The following LCOR variants were observed in gnomAD, a reference collection of about 807,000 sequenced individuals.
The protein encoded by LCOR is ligand dependent nuclear receptor corepressor.
A neutral mutation model predicts 64.4 loss-of-function variants in LCOR; 14 were observed. The observed-to-expected ratio is 0.22, with a 90% CI of 0.14 to 0.34. The LOEUF is 0.34. LCOR is among the 10% of genes least tolerant of loss of function. The pLI is 1.00. For missense variants in LCOR, 1,686 were observed against 1,765.3 expected (o/e 0.96, Z 0.80); for synonymous variants, 643 against 642.5 (o/e 1.00, Z -0.01).
intron 4 of LCOR, among the ~76,000 whole-genome samples, chr10:96,929,385 C>G (rs896842686): frequency 2.2e-4 from 34 of 152,342 alleles, no homozygotes; most frequent in Non-Finnish European, 4.4e-4. Context: ...TTTGTTGTTA[C>G]AGAGATGACT....
intron 4 of LCOR, among the ~76,000 whole-genome samples, chr10:96,911,475 G>A (rs569966340): frequency 6.6e-6 from 1 of 152,270 alleles, no homozygotes; most frequent in South Asian, 2.1e-4. Flanking sequence ...AAAGGAAAGG[G>A]TCAGAGATGT....
At chr10:96,851,810 C>T (rs72819823) in intron 2 of LCOR, among the ~76,000 whole-genome samples, 62 of 152,324 alleles carry the variant, frequency 4.1e-4, no homozygotes, top group Middle Eastern at 3.4e-3. Flanking sequence ...GAAAGCCTGA[C>T]GTTGTTGTTG....
chr10:96,995,519 A>G lies in LCOR; in HGVS notation c.*10385A>G, dbSNP rs898438539. On this transcript the variant is annotated 3_prime_UTR_variant, in exon 8 of 8. Transcript: ENST00000421806. The surrounding 1 kb of genome is among the most constrained non-coding windows in gnomAD (Gnocchi z 4.2). ...TATGCTGTGAATTTGTTGGTTTGAA[A>G]CATTGAAATTTTTCATTAGACAATG... 6.6e-6 allele frequency: 1 copy of G among 152,202 alleles called. No homozygotes were observed. Among genetic ancestry groups the G allele is most frequent in the Non-Finnish European group, 1.5e-5 (1 of 68,024 alleles). 9.4% of individuals were successfully genotyped at this position (152,202 alleles called of 1,614,324 possible).
intron 4 of LCOR, among the ~76,000 whole-genome samples, chr10:96,939,123 A>G (rs1398135349): frequency 1.3e-5 from 2 of 152,254 alleles, no homozygotes; most frequent in Non-Finnish European, 2.9e-5. Context: ...CTACAAAACA[A>G]CGTTGGTCAG....
At chr10:96,872,953 T>C (rs1367426181) in intron 2 of LCOR, among the ~76,000 whole-genome samples, 1 of 113,474 alleles carries the variant, frequency 8.8e-6, no homozygotes, top group Admixed American at 8.0e-5. Context: ...TGTAGTATTA[T>C]ATGACAGCAG....
At chr10:96,869,731 C>G (rs534966874) in intron 2 of LCOR, among the ~76,000 whole-genome samples, 7 of 151,932 alleles carry the variant, frequency 4.6e-5, no homozygotes, top group Non-Finnish European at 2.9e-5. Flanking sequence ...CACACCACCA[C>G]GTTCAGCTAT....
chr10:96,951,468 A>G (rs868508344), intron 6 of LCOR, among the ~76,000 whole-genome samples: 8 of 152,246 alleles, frequency 5.3e-5, no homozygotes, highest in Middle Eastern at 6.8e-3. Flanking sequence ...ATTTTTTTAA[A>G]GGATTGAATA....
chr10:96,972,391 CAGA>C (rs1167057042), intron 7 of LCOR, among the ~76,000 whole-genome samples: 1 of 151,996 alleles, frequency 6.6e-6, no homozygotes, highest in East Asian at 1.9e-4. Flanking sequence ...AAAAAAACCA[CAGA>C]AGTAGTTTGT....
At chr10:96,915,127 A>G (rs1472356291) in intron 4 of LCOR, among the ~76,000 whole-genome samples, 1 of 152,228 alleles carries the variant, frequency 6.6e-6, no homozygotes, top group African/African-American at 2.4e-5. Flanking sequence ...TTTCCCCACA[A>G]CAGTCTGGCT....
intron 5 of LCOR, among the ~76,000 whole-genome samples, chr10:96,947,231 G>A (rs1411072390): frequency 6.6e-6 from 1 of 151,910 alleles, no homozygotes; most frequent in Non-Finnish European, 1.5e-5. Flanking sequence ...TTTATAGAGA[G>A]GAAAGTTAGA....
At chr10:96,920,704 ATGTG>A (rs1159492722) in intron 4 of LCOR, among the ~76,000 whole-genome samples, 9 of 134,004 alleles carry the variant, frequency 6.7e-5, no homozygotes, top group Non-Finnish European at 1.1e-4. Flanking sequence ...ATGTTCATAT[ATGTG>A]TGTATATATG....
chr10:96,935,139 C>CTTTTTTTTTTTTTTTTTTTTT (rs34176037), intron 4 of LCOR, among the ~76,000 whole-genome samples: 1 of 65,546 alleles, frequency 1.5e-5, no homozygotes, highest in Non-Finnish European at 2.9e-5. Flanking sequence ...GGCTATTTTA[C>CTTTTTTTTTTTTTTTTTTTTT]TTTTTTTTTT....
rs899275164 is a variant in LCOR at position 96,912,590 on chromosome 10, A to ATCTTCCTT, written c.-184+4860_-184+4867dup. Among the ~76,000 whole-genome samples the ATCTTCCTT allele has an allele frequency of 3.5e-3, 399 of 113,182 alleles. 5 individuals are homozygous for ATCTTCCTT. Among genetic ancestry groups the ATCTTCCTT allele is most frequent in the African/African-American group, 0.016 (375 of 23,798 alleles). The allele number at this position is 113,182 out of a possible 152,430, so 74.3% of individuals were successfully genotyped here. A position where few individuals can be genotyped will look rare whatever the true frequency, so the allele number is the denominator to read the frequency against. On this transcript the variant is annotated intron_variant, in intron 4 of 7. Coordinates refer to ENST00000421806, the MANE Select transcript of LCOR (RefSeq NM_001346516.2). ...GTGCTGTCTGCCTCTTTTCTGTAAGATCTTCCTTTCTTCCTTTCTTCCTTC... is the reference window on the plus strand; with the variant it reads ...GTGCTGTCTGCCTCTTTTCTGTAAGATCTTCCTTTCTTCCTTTCTTCCTTTCTTCCTTC...
Position 96,985,271 on chromosome 10 carries a change from A to G in LCOR, c.*137A>G, listed in dbSNP as rs535217196. On this transcript the variant is annotated 3_prime_UTR_variant, in exon 8 of 8. Transcript: ENST00000421806. ...GGAGAACACCGTAATTTGAGATGTCAGAAAATGCATCTCAGATGGAGAAGG... is the reference window on the plus strand; with the variant it reads ...GGAGAACACCGTAATTTGAGATGTCGGAAAATGCATCTCAGATGGAGAAGG... 5.5e-6 allele frequency: 6 copies of G among 1,096,298 alleles called. No homozygotes were observed. The African/African-American group carries it at 9.6e-5, about 18-fold the overall frequency. 67.9% of individuals were successfully genotyped at this position (1,096,298 alleles called of 1,614,324 possible).
At chr10:96,956,320 T>G in intron 7 of LCOR, 10 of 993,040 alleles carry the variant, frequency 1.0e-5, no homozygotes, top group Non-Finnish European at 1.2e-5. Flanking sequence ...TTTTAGAAAC[T>G]ACGTCTGTCA....
At position 96,984,459 on chromosome 10, in the gene LCOR, A is replaced by G. The variant is rs747680957; in HGVS notation, c.3999A>G (p.Glu1333=). Residue 1333 remains glutamate (E), a synonymous_variant, in exon 8 of 8, where the codon GAA becomes GAG. Coordinates refer to ENST00000421806, the MANE Select transcript of LCOR (RefSeq NM_001346516.2). ...QQRLIKNEKM[E]CPDALAVESK... is the part of the protein sequence containing the mutation. ...GTTTAATCAAGAATGAGAAAATGGA[A>G]TGCCCAGATGCTCTGGCTGTGGAAA... The G allele has an allele frequency of 1.9e-6, 3 of 1,614,250 alleles. No homozygotes were observed. The highest frequency in any genetic ancestry group is 3.3e-5 in the Admixed American group (2 of 60,030).
At position 96,897,690 on chromosome 10, in the gene LCOR, T is replaced by C. The variant is rs371006689; in HGVS notation, c.-329-9575T>C. ...TTAATACTATTGTTTTTCAGGACTT[T>C]ATCTTTTTTGTTTTATTTCTATCTT... On this transcript the variant is annotated intron_variant, in intron 2 of 7. Coordinates refer to ENST00000421806, the MANE Select transcript of LCOR (RefSeq NM_001346516.2). Among the ~76,000 whole-genome samples, 13 of 152,338 alleles carry C rather than the reference T, an allele frequency of 8.5e-5. No homozygotes were observed. The East Asian group carries it at 2.1e-3, about 25-fold the overall frequency.
rs1564643842 is a variant in LCOR at position 96,973,274 on chromosome 10, G to T, written c.333-7519G>T. ...GCCAGTTCTGTGGAAAGAAAAGTTT[G>T]TTCAGGGGTTTTAAAGTACACCTAT... On this transcript the variant is annotated intron_variant, in intron 7 of 7. Coordinates refer to ENST00000421806, the MANE Select transcript of LCOR (RefSeq NM_001346516.2). Among the ~76,000 whole-genome samples, 3 of 152,116 alleles carry T rather than the reference G, an allele frequency of 2.0e-5. No homozygotes were observed. In the South Asian group the frequency reaches 6.2e-4, roughly 31 times the overall value.
chr10:96,965,075 C>A (rs984505695), intron 7 of LCOR, among the ~76,000 whole-genome samples: 1 of 151,732 alleles, frequency 6.6e-6, no homozygotes, highest in Non-Finnish European at 1.5e-5. Context: ...GTGGCACGAT[C>A]TCGGCTCACT....
Sources: gnomAD v4.1 joint callset for allele counts (sites outside exome capture counted in the v4.1 genomes callset) on GRCh38, gnomAD v4.1.1 for gene constraint, Gnocchi (gnomAD v3.1) non-coding constraint, MANE v1.5 for transcripts, NCBI Gene and HGNC (gene_info 2026-07-23, HGNC 2026-07-21) for gene names.